OR10AG1: variants seen among roughly 807,000 people sequenced by gnomAD.
The protein encoded by OR10AG1 is olfactory receptor family 10 subfamily AG member 1.
For synonymous variants in OR10AG1, 147 were observed against 128.6 expected, an observed-to-expected ratio of 1.14 and a Z score of -0.97; for missense variants, 433 against 376.5, an observed-to-expected ratio of 1.15 and a Z score of -1.24.
chr11:55,967,909 C>T lies in OR10AG1; in HGVS notation c.615G>A (p.Val205=), dbSNP rs1226333798. The T allele has an allele frequency of 1.2e-6, 2 of 1,614,056 alleles. No individual in the cohort carries two copies. The highest frequency in any genetic ancestry group is 1.1e-5 in the South Asian group (1 of 91,078). The change falls in exon 2 of 2, where the codon GTG becomes GTA. Residue 205 remains valine (V), a synonymous_variant. Transcript: ENST00000641071. ...ILKLACGNIF[V]NEITVHVVAV... is the part of the protein sequence containing the mutation. ...CTACTACATGGACTGTTATCTCATT[C>T]ACAAATATGTTTCCACAAGCAAGCT...
chr11:55,968,722 T>C (rs931600165), intron 1 of OR10AG1, among the ~76,000 whole-genome samples: 1 of 152,148 alleles, frequency 6.6e-6, no homozygotes, highest in African/African-American at 2.4e-5. Context: ...TGGGATATAA[T>C]GCAACCAGAG....
Position 55,966,292 on chromosome 11 carries a change from T to TATATA in OR10AG1, c.*1265_*1266insTATAT, listed in dbSNP as rs376029198. ...AGAATATATATATATATATATATAT[T>TATATA]TTTTTTTTTAAACAGAAGTCAATTT... On this transcript the variant is annotated 3_prime_UTR_variant, in exon 2 of 2. Transcript: ENST00000641071. 28 of 59,448 alleles carry TATATA rather than the reference T, an allele frequency of 4.7e-4. No homozygotes were observed. The highest frequency in any genetic ancestry group is 1.2e-3 in the Admixed American group (9 of 7,560). 3.7% of individuals were successfully genotyped at this position (59,448 alleles called of 1,614,324 possible).
Position 55,967,439 on chromosome 11 carries a change from T to C in OR10AG1, c.*119A>G, listed in dbSNP as rs1021884169. 3.2e-6 allele frequency: 2 copies of C among 628,300 alleles called. No homozygotes were observed. The highest frequency in any genetic ancestry group is 5.5e-6 in the Non-Finnish European group (2 of 361,396). The allele number at this position is 628,300 out of a possible 1,614,324, so 38.9% of individuals were successfully genotyped here. On this transcript the variant is annotated 3_prime_UTR_variant, in exon 2 of 2. Transcript: ENST00000641071. Reference sequence around the variant, plus strand: ...AAACACCCCTTGACATAATGTAAGTTTGTATTTAAATTTCAGTACTCATTA... The same window carrying C: ...AAACACCCCTTGACATAATGTAAGTCTGTATTTAAATTTCAGTACTCATTA...
Position 55,968,438 on chromosome 11 carries a change from GA to G in OR10AG1, c.85del (p.Ser29LeufsTer19). The G allele has an allele frequency of 6.4e-7, 1 of 1,564,584 alleles. No homozygotes were observed. The highest frequency in any genetic ancestry group is 8.6e-7 in the Non-Finnish European group (1 of 1,157,398). The stretch of plus-strand genomic sequence containing the variant: ...CATCCAGTGGAGATTGGGAATATCA[GA>G]AAACCCCAAAAGAACAAATTCCATT... ...TIMEFVLLGF[S>X]DIPNLHWMLF... On this transcript the variant is annotated frameshift_variant, in exon 2 of 2. Coordinates refer to ENST00000641071, the MANE Select transcript of OR10AG1 (RefSeq NM_001005491.2). LOFTEE classifies it low-confidence loss of function (END_TRUNC).
intron 1 of OR10AG1, 72 bp from the exon 2 acceptor site, chr11:55,968,579 A>G (rs1022883320): frequency 3.0e-6 from 2 of 656,548 alleles, no homozygotes; most frequent in African/African-American, 3.6e-5. Context: ...TGGGTTAACT[A>G]AATGAGATAC....
In OR10AG1 at chr11:55,967,453, C is replaced by T. The variant is rs1184985741; in HGVS notation, c.*105G>A. 3.1e-6 allele frequency: 2 copies of T among 655,718 alleles called. No individual in the cohort carries two copies. The highest frequency in any genetic ancestry group is 5.3e-6 in the Non-Finnish European group (2 of 380,030). The allele number at this position is 655,718 out of a possible 1,614,324, so 40.6% of individuals were successfully genotyped here. A position where few individuals can be genotyped will look rare whatever the true frequency, so the allele number is the denominator to read the frequency against. ...ATAATGTAAGTTTGTATTTAAATTT[C>T]AGTACTCATTATTGAATACCATAGG... On this transcript the variant is annotated 3_prime_UTR_variant, in exon 2 of 2. Transcript: ENST00000641071.
At chr11:55,969,539 A>T (rs1467140992) in intron 1 of OR10AG1, among the ~76,000 whole-genome samples, 1 of 152,160 alleles carries the variant, frequency 6.6e-6, no homozygotes, top group Non-Finnish European at 1.5e-5. Flanking sequence ...CTGTGTCTTC[A>T]AATCTGCTGC....
In OR10AG1 at chr11:55,968,332, G is replaced by T; in HGVS notation, c.192C>A (p.Pro64=). 1 of 1,612,436 alleles carries T rather than the reference G, an allele frequency of 6.2e-7. No individual in the cohort carries two copies. Among genetic ancestry groups the T allele is most frequent in the Admixed American group, 1.7e-5 (1 of 60,002 alleles). The change falls in exon 2 of 2, where the codon CCC becomes CCA. Residue 64 remains proline, a synonymous_variant. Transcript: ENST00000641071. ...GIIILLIKIH[P]ALQTPMYFFL... is the part of the protein sequence containing the mutation. ...AAAAATACATGGGAGTCTGGAGAGC[G>T]GGGTGAATTTTTATTAGTAGTATTA...
intron 1 of OR10AG1, 53 bp from the exon 2 acceptor site, chr11:55,968,560 T>C (rs1281672670): frequency 2.5e-6 from 2 of 798,810 alleles, no homozygotes; most frequent in Non-Finnish European, 2.0e-6. Flanking sequence ...TTGAACAATA[T>C]TTTCCTCTTG....
In OR10AG1 at chr11:55,968,145, T is replaced by G; in HGVS notation, c.379A>C (p.Thr127Pro). Residue 127 changes from threonine to proline, a missense_variant, in exon 2 of 2, where the codon ACA becomes CCA. Coordinates refer to ENST00000641071, the MANE Select transcript of OR10AG1 (RefSeq NM_001005491.2). Reference sequence around the variant, plus strand: ...ACGTAGCGGTCATAGGCCATCACTGTCAGAAGGAGACACTCCGTGCCTCCA... The same window carrying G: ...ACGTAGCGGTCATAGGCCATCACTGGCAGAAGGAGACACTCCGTGCCTCCA... ...MLGGTECLLLTVMAYDRYVAI... is the reference protein window; with the variant it reads ...MLGGTECLLLPVMAYDRYVAI... 5 of 1,613,830 alleles carry G rather than the reference T, an allele frequency of 3.1e-6. No homozygotes were observed. Among genetic ancestry groups the G allele is most frequent in the Non-Finnish European group, 4.2e-6 (5 of 1,179,854 alleles).
Position 55,968,348 on chromosome 11 carries a change from A to C in OR10AG1, c.176T>G (p.Leu59Arg). 1 of 1,611,884 alleles carries C rather than the reference A, an allele frequency of 6.2e-7. No homozygotes were observed. The highest frequency in any genetic ancestry group is 8.5e-7 in the Non-Finnish European group (1 of 1,178,032). ...CTGGAGAGCGGGGTGAATTTTTATTAGTAGTATTATGATGCCATTGCACAT... is the reference window on the plus strand; with the variant it reads ...CTGGAGAGCGGGGTGAATTTTTATTCGTAGTATTATGATGCCATTGCACAT... ...ILMCNGIIIL[L>R]IKIHPALQTP... The change falls in exon 2 of 2, where the codon CTA (leucine) becomes CGA (arginine). Residue 59 changes from leucine to arginine, a missense_variant. Coordinates refer to ENST00000641071, the MANE Select transcript of OR10AG1 (RefSeq NM_001005491.2).
rs776469051 is a variant in OR10AG1, at chr11:55,967,959, AG to A, written c.564del (p.Cys190ValfsTer16). The A allele has an allele frequency of 7.4e-6, 12 of 1,613,994 alleles. No individual in the cohort carries two copies. The highest frequency in any genetic ancestry group is 1.0e-5 in the Non-Finnish European group (12 of 1,180,006). ...PFCGTNTINHFFCDIPPILKL... is the reference protein window; with the variant it reads ...PFCGTNTINHXFCDIPPILKL... ...TTGAGTATTGGCGGGATGTCACAAA[AG>A]AAATGATTAATTGTGTTAGTTCCGC... is the stretch of plus-strand genomic sequence containing the variant. On this transcript the variant is annotated frameshift_variant, in exon 2 of 2. Transcript: ENST00000641071. LOFTEE classifies it low-confidence loss of function (END_TRUNC).
Position 55,967,838 on chromosome 11 carries a change from T to C in OR10AG1, c.686A>G (p.Tyr229Cys). 6.2e-7 allele frequency: 1 copy of C among 1,614,088 alleles called. No homozygotes were observed. The highest frequency in any genetic ancestry group is 8.5e-7 in the Non-Finnish European group (1 of 1,180,004). The change falls in exon 2 of 2, where the codon TAT (tyrosine) becomes TGT (cysteine). Residue 229 changes from tyrosine to cysteine, a missense_variant. By Grantham distance (194) the Tyr-to-Cys change is radical. Coordinates refer to ENST00000641071, the MANE Select transcript of OR10AG1 (RefSeq NM_001005491.2). ...CAAAATGTTGGAGATAATTTTGCCA[T>C]AAGAGACAACAATCAACAGAAATGG... ...TVPFLLIVVS[Y>C]GKIISNILKL...
chr11:55,966,035 T>C lies in OR10AG1; in HGVS notation c.*1523A>G, dbSNP rs558645678. The C allele has an allele frequency of 1.3e-5, 2 of 152,088 alleles. No homozygotes were observed. The highest frequency in any genetic ancestry group is 2.1e-4 in the South Asian group (1 of 4,830). 9.4% of individuals were successfully genotyped at this position (152,088 alleles called of 1,614,324 possible). ...ATTAGGGAAGTAGGAATTTCTTCAATTGAGCAGTTCTGAGACATTATCTTG... is the reference window on the plus strand; with the variant it reads ...ATTAGGGAAGTAGGAATTTCTTCAACTGAGCAGTTCTGAGACATTATCTTG... On this transcript the variant is annotated 3_prime_UTR_variant, in exon 2 of 2. Coordinates refer to ENST00000641071, the MANE Select transcript of OR10AG1 (RefSeq NM_001005491.2).
rs1243552296 is a variant in OR10AG1 at position 55,966,277 on chromosome 11, T to TAC, written c.*1280_*1281insGT. The TAC allele has an allele frequency of 2.3e-5, 2 of 88,502 alleles. No homozygotes were observed. Among genetic ancestry groups the TAC allele is most frequent in the East Asian group, 5.0e-4 (2 of 3,962 alleles). The allele number at this position is 88,502 out of a possible 1,614,324, so 5.5% of individuals were successfully genotyped here. A position where few individuals can be genotyped will look rare whatever the true frequency, so the allele number is the denominator to read the frequency against. ...GCTTGTAAAGTAAGAAGAATATATA[T>TAC]ATATATATATATATTTTTTTTTTTA... On this transcript the variant is annotated 3_prime_UTR_variant, in exon 2 of 2. Transcript: ENST00000641071.
At position 55,967,882 on chromosome 11, in the gene OR10AG1, C is replaced by T. The variant is rs556408380; in HGVS notation, c.642G>A (p.Ala214=). 4.3e-5 allele frequency: 70 copies of T among 1,613,898 alleles called. No individual in the cohort carries two copies. The South Asian group carries it at 4.7e-4, about 11-fold the overall frequency. ...FVNEITVHVV[A]VVFITVPFLL... ...GAAATGGCACCGTGATAAACACCACCGCTACTACATGGACTGTTATCTCAT... is the reference window on the plus strand; with the variant it reads ...GAAATGGCACCGTGATAAACACCACTGCTACTACATGGACTGTTATCTCAT... The change falls in exon 2 of 2, where the codon GCG becomes GCA. Residue 214 remains alanine (A), a synonymous_variant. Coordinates refer to ENST00000641071, the MANE Select transcript of OR10AG1 (RefSeq NM_001005491.2).
At position 55,967,745 on chromosome 11, in the gene OR10AG1, A is replaced by T. The variant is rs1852702390; in HGVS notation, c.779T>A (p.Ile260Asn). 1.2e-6 allele frequency: 2 copies of T among 1,613,836 alleles called. No homozygotes were observed. Among genetic ancestry groups the T allele is most frequent in the Non-Finnish European group, 1.7e-6 (2 of 1,179,828 alleles). ...GATAGTACCTGCTCCAAAGAATAAG[A>T]TTACAACTATTAGGTGAGATGAGCA... ...STCSSHLIVV[I>N]LFFGAGTITY... is the part of the protein sequence containing the mutation. Residue 260 changes from isoleucine to asparagine, a missense_variant, in exon 2 of 2, where the codon ATC (isoleucine) becomes AAC (asparagine). By Grantham distance (149) the Ile-to-Asn change is moderately radical. Coordinates refer to ENST00000641071, the MANE Select transcript of OR10AG1 (RefSeq NM_001005491.2).
chr11:55,969,437 A>G (rs368925870), intron 1 of OR10AG1, among the ~76,000 whole-genome samples: 4 of 152,108 alleles, frequency 2.6e-5, no homozygotes, highest in African/African-American at 9.7e-5. Flanking sequence ...CTTCATGTCA[A>G]TGTCATCCAA....
rs1260804832 is a variant in OR10AG1, at chr11:55,966,114, CTG to C, written c.*1442_*1443del. The C allele has an allele frequency of 6.6e-6, 1 of 151,834 alleles. No homozygotes were observed. Among genetic ancestry groups the C allele is most frequent in the Non-Finnish European group, 1.5e-5 (1 of 67,980 alleles). The allele number at this position is 151,834 out of a possible 1,614,324, so 9.4% of individuals were successfully genotyped here. On this transcript the variant is annotated 3_prime_UTR_variant, in exon 2 of 2. Coordinates refer to ENST00000641071, the MANE Select transcript of OR10AG1 (RefSeq NM_001005491.2). ...ATGTACTCCAGTGTCTTCATATACT[CTG>C]AGAGTGACTTCCCTTTACTCCCAAA...
Sources: gnomAD v4.1 joint callset for allele counts (sites outside exome capture counted in the v4.1 genomes callset) on GRCh38, gnomAD v4.1.1 for gene constraint, MANE v1.5 for transcripts, NCBI Gene and HGNC (gene_info 2026-07-23, HGNC 2026-07-21) for gene names.